Variants in SEC16A observed in about 807,000 individuals in gnomAD.
The protein encoded by SEC16A is SEC16 homolog A, endoplasmic reticulum export factor.
SEC16A carries 110 observed loss-of-function variants against 221.9 expected under a neutral mutation model. The ratio of observed to expected loss-of-function variants is 0.50; its 90% CI spans 0.42 to 0.58. The LOEUF (loss-of-function observed/expected upper bound fraction) is 0.58, where lower values mean the gene tolerates loss of function less well. Among genes scored for constraint, SEC16A ranks in the 20% least tolerant of loss-of-function variants. The pLI, the probability that SEC16A is intolerant of heterozygous loss-of-function variation, is 0.00. For missense variants in SEC16A, 3,165 were observed against 3,097.8 expected, an observed-to-expected ratio of 1.02 and a Z score of -0.52; for synonymous variants, 1,393 against 1,257.7, an observed-to-expected ratio of 1.11 and a Z score of -2.28.
At position 136,466,452 on chromosome 9, in the gene SEC16A, G is replaced by A. The variant is rs370445138; in HGVS notation, c.3940C>T (p.Arg1314Cys). Residue 1314 changes from arginine to cysteine, a missense_variant, in exon 7 of 32, where the codon CGT becomes TGT. By Grantham distance (180) the Arg-to-Cys change is radical (BLOSUM62 -3). This residue lies in a region of SEC16A where 2,030 missense variants were observed against 1,923.1 expected (regional missense o/e 1.06). Transcript: ENST00000684901. The surrounding 1 kb of genome is among the most constrained non-coding windows in gnomAD (Gnocchi z 5.5). ...GGATCGTACCTCCAGTTGTTGTCACGTTTCTCGGGCCTAGAGGAAGCCGGG... is the reference window on the plus strand; with the variant it reads ...GGATCGTACCTCCAGTTGTTGTCACATTTCTCGGGCCTAGAGGAAGCCGGG... ...HSAFGDRPEK[R>C]DNNWRYDPRF... 2.1e-5 allele frequency: 34 copies of A among 1,604,786 alleles called. No homozygotes were observed. Among genetic ancestry groups the A allele is most frequent in the Middle Eastern group, 1.6e-4 (1 of 6,064 alleles).
At chr9:136,464,978 G>C (rs1839961687) in intron 8 of SEC16A, among the ~76,000 whole-genome samples, 2 of 152,124 alleles carry the variant, frequency 1.3e-5, no homozygotes, top group African/African-American at 2.4e-5. Context: ...AAAATAAGGA[G>C]CCAGGCATAG....
At chr9:136,461,529 GCTAATCACA>G (rs1180536099) in intron 12 of SEC16A, among the ~76,000 whole-genome samples, 2 of 152,178 alleles carry the variant, frequency 1.3e-5, no homozygotes, top group Non-Finnish European at 2.9e-5. Context: ...ACACAAGCAC[GCTAATCACA>G]AACAGGGCTA....
At chr9:136,465,112 T>C (rs1839977540) in intron 8 of SEC16A, among the ~76,000 whole-genome samples, 1 of 151,678 alleles carries the variant, frequency 6.6e-6, no homozygotes, top group Non-Finnish European at 1.5e-5. Context: ...TGAGACTCTG[T>C]CTCTTAAAAA....
chr9:136,463,324 G>T, intron 11 of SEC16A, 139 bp downstream of exon 11: 2 of 1,274,032 alleles, frequency 1.6e-6, no homozygotes, highest in Non-Finnish European at 2.2e-6. Flanking sequence ...AGCCACTACA[G>T]TGTGCTTCCT....
chr9:136,449,969 CAAGGCA>C (rs1323660037), intron 23 of SEC16A, among the ~76,000 whole-genome samples: 2 of 152,022 alleles, frequency 1.3e-5, no homozygotes, highest in Non-Finnish European at 2.9e-5. Context: ...TTTGGGAGGC[CAAGGCA>C]GGCAGATCAC....
chr9:136,462,965 A>C lies in SEC16A; in HGVS notation c.4815T>G (p.Gly1605=), dbSNP rs999229175. ...GCGAGCTGGCGGCAGCCGCCGGACCACCAGTGAGGAAAGAGAGCTGGGCCT... is the reference window on the plus strand; with the variant it reads ...GCGAGCTGGCGGCAGCCGCCGGACCCCCAGTGAGGAAAGAGAGCTGGGCCT... ...SGEAQLSFLT[G]GPAAAASSLE... Residue 1605 remains glycine (G), a synonymous_variant, in exon 12 of 32, where the codon GGT becomes GGG. Coordinates refer to ENST00000684901, the MANE Select transcript of SEC16A (RefSeq NM_014866.2). 8 of 1,608,308 alleles carry C rather than the reference A, an allele frequency of 5.0e-6. No individual in the cohort carries two copies. The highest frequency in any genetic ancestry group is 1.7e-5 in the Admixed American group (1 of 60,006).
rs140041870 is a variant in SEC16A at position 136,478,692 on chromosome 9, G to A, written c.-70+17C>T. ...CTCTACAAAAGAAGAAAGTTAGCCA[G>A]ACATGGTGGCACACACCTGTAGTCC... On this transcript the variant is annotated intron_variant, in intron 2 of 31. Coordinates refer to ENST00000684901, the MANE Select transcript of SEC16A (RefSeq NM_014866.2). 1.6e-3 allele frequency among the ~76,000 whole-genome samples: 238 copies of A among 152,010 alleles called. No individual in the cohort carries two copies. Among genetic ancestry groups the A allele is most frequent in the Middle Eastern group, 3.4e-3 (1 of 294 alleles).
chr9:136,476,468 T>A lies in SEC16A; in HGVS notation c.1148A>T (p.Asn383Ile). Residue 383 changes from asparagine (N) to isoleucine (I), a missense_variant, in exon 3 of 32, where the codon AAT (asparagine) becomes ATT (isoleucine). Coordinates refer to ENST00000684901, the MANE Select transcript of SEC16A (RefSeq NM_014866.2). ...TTTTTCAGATGAGAGATTCTCCTCA[T>A]TTTCTGTCTCTCCCCCTTGGAAAAA... Reference protein sequence around the residue: ...AMFFQGGETENEENLSSEKAG... With the variant: ...AMFFQGGETEIEENLSSEKAG... 6.2e-7 allele frequency: 1 copy of A among 1,613,120 alleles called. No individual in the cohort carries two copies. The highest frequency in any genetic ancestry group is 8.5e-7 in the Non-Finnish European group (1 of 1,179,778).
chr9:136,450,817 C>T (rs1415939205), intron 23 of SEC16A, among the ~76,000 whole-genome samples: 1 of 152,146 alleles, frequency 6.6e-6, no homozygotes, highest in Non-Finnish European at 1.5e-5. Flanking sequence ...TTGGCACGCA[C>T]CTAAGAAAAA....
intron 4 of SEC16A, among the ~76,000 whole-genome samples, chr9:136,471,284 TAGTG>T (rs1036818833): frequency 2.7e-5 from 4 of 150,288 alleles, no homozygotes; most frequent in African/African-American, 9.8e-5. Flanking sequence ...CTGGCCAACA[TAGTG>T]AGACCCTCGT....
chr9:136,456,021 C>A (rs371787227), intron 19 of SEC16A, 32 bp downstream of exon 19: 3 of 1,543,270 alleles, frequency 1.9e-6, no homozygotes, highest in African/African-American at 1.4e-5. Flanking sequence ...CCTTGCCAGA[C>A]GCCTCTGTGC....
chr9:136,454,279 G>C lies in SEC16A; in HGVS notation c.5906C>G (p.Pro1969Arg), dbSNP rs1025429889. The change falls in exon 21 of 32, where the codon CCG becomes CGG. Residue 1969 changes from proline to arginine, a missense_variant. By Grantham distance (103) the Pro-to-Arg change is moderately radical. Around this residue, in one of 3 missense-constraint regions of SEC16A, gnomAD observed 1,088 missense variants for 1,089.6 expected, o/e 1.00. Transcript: ENST00000684901. ...CGGGGGCAGTGGCACTGGGAACATCGGCACTCTGGCAGGACTGGCCAATGG... is the reference window on the plus strand; with the variant it reads ...CGGGGGCAGTGGCACTGGGAACATCCGCACTCTGGCAGGACTGGCCAATGG... Reference protein sequence around the residue: ...DGPLASPARVPMFPVPLPPGP... With the variant: ...DGPLASPARVRMFPVPLPPGP... 6.3e-7 allele frequency: 1 copy of C among 1,583,576 alleles called. No homozygotes were observed. Among genetic ancestry groups the C allele is most frequent in the Admixed American group, 1.8e-5 (1 of 54,990 alleles).
chr9:136,456,297 T>C, intron 18 of SEC16A, 131 bp from the exon 19 acceptor site: 1 of 650,254 alleles, frequency 1.5e-6, no homozygotes. Context: ...TATATGTTTC[T>C]AGTATGTGCT....
In SEC16A at chr9:136,477,389, G is replaced by A. The variant is rs1841786123; in HGVS notation, c.227C>T (p.Pro76Leu). 6.2e-7 allele frequency: 1 copy of A among 1,613,928 alleles called. No homozygotes were observed. Among genetic ancestry groups the A allele is most frequent in the African/African-American group, 1.3e-5 (1 of 74,936 alleles). The change falls in exon 3 of 32, where the codon CCT (proline) becomes CTT (leucine). Residue 76 changes from proline (P) to leucine (L), a missense_variant. Around this residue, in one of 3 missense-constraint regions of SEC16A, gnomAD observed 2,030 missense variants for 1,923.1 expected, o/e 1.06. Coordinates refer to ENST00000684901, the MANE Select transcript of SEC16A (RefSeq NM_014866.2). ...PLGSSSKSSP[P>L]VLQGPAPAGF... ...TGCGGGGGCTGGGCCTTGCAAGACA[G>A]GTGGACTGCTTTTGGACGAACTGCC...
chr9:136,466,330 TGCC>T lies in SEC16A; in HGVS notation c.4059_4061del (p.Ala1354del). 6.4e-7 allele frequency: 1 copy of T among 1,572,740 alleles called. No individual in the cohort carries two copies. Among genetic ancestry groups the T allele is most frequent in the South Asian group, 1.1e-5 (1 of 87,002 alleles). ...GGCTGTGTGCGCTGTGCAGGCTCCGTGCCGAGTGCTCGCTGTGGACGCTGCGCC... is the reference window on the plus strand; with the variant it reads ...GGCTGTGTGCGCTGTGCAGGCTCCGTGAGTGCTCGCTGTGGACGCTGCGCC... On this transcript the variant is annotated inframe_deletion, in exon 7 of 32. Transcript: ENST00000684901. This position sits in a 1 kb window ranked among gnomAD's most constrained non-coding sequence, Gnocchi z 5.5.
At chr9:136,458,135 T>C (rs1360695138) in intron 17 of SEC16A, among the ~76,000 whole-genome samples, 1 of 150,190 alleles carries the variant, frequency 6.7e-6, no homozygotes, top group Admixed American at 6.6e-5. Flanking sequence ...TTTGTATTTT[T>C]TTTTTTTTTT....
Position 136,441,397 on chromosome 9 carries a change from A to G in SEC16A, c.*358T>C, listed in dbSNP as rs1473592546. On this transcript the variant is annotated 3_prime_UTR_variant, in exon 32 of 32. Coordinates refer to ENST00000684901, the MANE Select transcript of SEC16A (RefSeq NM_014866.2). ...GGAGAGGCCCTGGTTACTACCGACCATGTGGCTCTCCTGTGGCAGAGACAG... is the reference window on the plus strand; with the variant it reads ...GGAGAGGCCCTGGTTACTACCGACCGTGTGGCTCTCCTGTGGCAGAGACAG... 9.6e-6 allele frequency: 3 copies of G among 312,730 alleles called. No individual in the cohort carries two copies. Among genetic ancestry groups the G allele is most frequent in the African/African-American group, 6.4e-5 (3 of 46,604 alleles). The allele number at this position is 312,730 out of a possible 1,614,324, so 19.4% of individuals were successfully genotyped here.
intron 9 of SEC16A, 42 bp downstream of exon 9, chr9:136,464,378 G>A (rs774633432): frequency 1.3e-6 from 2 of 1,558,682 alleles, no homozygotes; most frequent in African/African-American, 2.7e-5. Context: ...AGTTCCCCAG[G>A]GCAGCAGAGC....
chr9:136,479,006 G>C (rs1841996861), intron 1 of SEC16A, among the ~76,000 whole-genome samples, 176 bp from the exon 2 acceptor site: 1 of 152,148 alleles, frequency 6.6e-6, no homozygotes, highest in African/African-American at 2.4e-5. Flanking sequence ...CCTTTGAACT[G>C]GAGCCGTAAC....
Sources: allele counts gnomAD v4.1 joint callset (sites outside exome capture counted in the v4.1 genomes callset), GRCh38; gene constraint gnomAD v4.1.1; regional missense constraint gnomAD v4.1.1; non-coding constraint Gnocchi (gnomAD v3.1); transcripts MANE v1.5; gene names NCBI Gene and HGNC (gene_info 2026-07-23, HGNC 2026-07-21).